Variants in GALNT17 observed in about 807,000 individuals in gnomAD.
GALNT17 encodes UDP-GalNAc:polypeptide N-acetylgalactosaminyltransferase-like 3.
In GALNT17, 29 loss-of-function variants were observed where a neutral mutation model predicts 63.7. The observed-to-expected ratio is 0.46, with a 90% CI of 0.34 to 0.62. The LOEUF is 0.62. GALNT17 is among the 20% of genes least tolerant of loss of function. The pLI is 0.01. For missense variants in GALNT17, 603 were observed against 799.6 expected (o/e 0.75, Z 2.97); for synonymous variants, 305 against 318.3 (o/e 0.96, Z 0.45).
chr7:71,159,259 G>T (rs776972921), intron 1 of GALNT17, among the ~76,000 whole-genome samples: 1 of 151,652 alleles, frequency 6.6e-6, no homozygotes, highest in Non-Finnish European at 1.5e-5. Context: ...CCTTTTCTTA[G>T]GAAAGTGATG....
chr7:71,494,951 A>G (rs1260522265), intron 5 of GALNT17, among the ~76,000 whole-genome samples: 1 of 152,148 alleles, frequency 6.6e-6, no homozygotes, highest in African/African-American at 2.4e-5. Flanking sequence ...CCCATGATTC[A>G]ATTGTCTCCA....
At chr7:71,143,418 A>AG (rs1787954096) in intron 1 of GALNT17, among the ~76,000 whole-genome samples, 1 of 151,464 alleles carries the variant, frequency 6.6e-6, no homozygotes, top group South Asian at 2.1e-4. Context: ...AAAAAAAAAA[A>AG]AAAAAAAGAA....
intron 1 of GALNT17, among the ~76,000 whole-genome samples, chr7:71,150,487 T>G (rs77639301): frequency 0.027 from 4,088 of 151,850 alleles, 87 homozygotes; most frequent in Non-Finnish European, 0.04. Flanking sequence ...CCTTCATGCC[T>G]TCTCTCTCTT....
chr7:71,277,639 T>G (rs934776668), intron 1 of GALNT17, among the ~76,000 whole-genome samples: 1 of 152,240 alleles, frequency 6.6e-6, no homozygotes, highest in Non-Finnish European at 1.5e-5. Flanking sequence ...TGCGCAAACC[T>G]GGGCACTTTA....
chr7:71,449,448 T>C (rs1787220294), intron 5 of GALNT17, among the ~76,000 whole-genome samples: 3 of 152,202 alleles, frequency 2.0e-5, no homozygotes, highest in Admixed American at 1.3e-4. Flanking sequence ...AATTTGCCTC[T>C]TTATTTCCTA....
chr7:71,178,594 A>C (rs1474429952), intron 1 of GALNT17, among the ~76,000 whole-genome samples: 1 of 151,632 alleles, frequency 6.6e-6, no homozygotes, highest in Non-Finnish European at 1.5e-5. Context: ...TTTTTTCTTC[A>C]CTGCTTTTCA....
At chr7:71,388,770 G>T (rs1345113916) in intron 3 of GALNT17, among the ~76,000 whole-genome samples, 1 of 152,012 alleles carries the variant, frequency 6.6e-6, no homozygotes, top group Non-Finnish European at 1.5e-5. Flanking sequence ...CAGGTGATCC[G>T]CTCACCTCAG....
chr7:71,410,829 A>C (rs1793416217), intron 3 of GALNT17, among the ~76,000 whole-genome samples: 1 of 152,186 alleles, frequency 6.6e-6, no homozygotes. Context: ...CTTCCTGATC[A>C]CAGGCAGTGT....
intron 9 of GALNT17, among the ~76,000 whole-genome samples, chr7:71,699,171 CAAAAAAAAAAAA>C (rs59124269): frequency 3.9e-5 from 3 of 77,296 alleles, no homozygotes; most frequent in African/African-American, 9.9e-5. Context: ...GACTCCATCT[CAAAAAAAAAAAA>C]AAAAAAAAAA....
rs59124269 is a variant in GALNT17 at position 71,699,171 on chromosome 7, CAAAA to C, written c.1501-11568_1501-11565del. Among the ~76,000 whole-genome samples, 5 of 77,322 alleles carry C rather than the reference CAAAA, an allele frequency of 6.5e-5. No individual in the cohort carries two copies. The South Asian group carries it at 1.6e-3, about 24-fold the overall frequency. The allele number at this position is 77,322 out of a possible 152,430, so 50.7% of individuals were successfully genotyped here. A position where few individuals can be genotyped will look rare whatever the true frequency, so the allele number is the denominator to read the frequency against. ...TAGGCAACAGAGCAAGACTCCATCTCAAAAAAAAAAAAAAAAAAAAAAAAATGAC... is the reference window on the plus strand; with the variant it reads ...TAGGCAACAGAGCAAGACTCCATCTCAAAAAAAAAAAAAAAAAAAAATGAC... On this transcript the variant is annotated intron_variant, in intron 9 of 10. Transcript: ENST00000333538.
chr7:71,616,830 ATATAT>A (rs1433464574), intron 6 of GALNT17, among the ~76,000 whole-genome samples: 2 of 46,168 alleles, frequency 4.3e-5, no homozygotes, highest in East Asian at 8.9e-4. Context: ...TAATCATATT[ATATAT>A]TATAATTATG....
intron 5 of GALNT17, among the ~76,000 whole-genome samples, chr7:71,561,065 T>C (rs1250967236): frequency 6.6e-6 from 1 of 152,056 alleles, no homozygotes; most frequent in Non-Finnish European, 1.5e-5. Flanking sequence ...CAGGCTGGAG[T>C]GCAGTGGCAT....
At chr7:71,183,209 C>T (rs1448823829) in intron 1 of GALNT17, among the ~76,000 whole-genome samples, 3 of 152,018 alleles carry the variant, frequency 2.0e-5, no homozygotes. Context: ...GGGGCACATT[C>T]ACTGTCTAGC....
At chr7:71,164,739 TGTCA>T (rs1450326081) in intron 1 of GALNT17, among the ~76,000 whole-genome samples, 2 of 152,366 alleles carry the variant, frequency 1.3e-5, no homozygotes, top group East Asian at 3.9e-4. Context: ...TTTATCCTGC[TGTCA>T]GTCATTCATT....
At chr7:71,476,654 T>C (rs1787727671) in intron 5 of GALNT17, among the ~76,000 whole-genome samples, 1 of 152,132 alleles carries the variant, frequency 6.6e-6, no homozygotes, top group Admixed American at 6.6e-5. Flanking sequence ...ATGTGGCAAG[T>C]CTGGAGACAT....
chr7:71,687,060 G>A (rs1427455555), intron 9 of GALNT17, among the ~76,000 whole-genome samples: 1 of 152,086 alleles, frequency 6.6e-6, no homozygotes, highest in Non-Finnish European at 1.5e-5. Context: ...CTCAGGGGAG[G>A]ACATTAGCGC....
chr7:71,538,715 C>T (rs1788839734), intron 5 of GALNT17, among the ~76,000 whole-genome samples: 1 of 152,056 alleles, frequency 6.6e-6, no homozygotes. Flanking sequence ...AGCTTCTGCT[C>T]CACTCTCTCT....
At chr7:71,480,155 C>CTTTTTTT (rs67257902) in intron 5 of GALNT17, among the ~76,000 whole-genome samples, 1 of 65,328 alleles carries the variant, frequency 1.5e-5, no homozygotes. Context: ...TTTTTGGAGT[C>CTTTTTTT]TTTTTTTTTT....
chr7:71,518,779 G>A (rs974648422), intron 5 of GALNT17, among the ~76,000 whole-genome samples: 1 of 152,188 alleles, frequency 6.6e-6, no homozygotes, highest in East Asian at 1.9e-4. Context: ...CTGGAAGGGA[G>A]TCGGAAGATT....
Sources: gnomAD v4.1 joint callset for allele counts (sites outside exome capture counted in the v4.1 genomes callset) on GRCh38, gnomAD v4.1.1 for gene constraint, MANE v1.5 for transcripts, NCBI Gene and HGNC (gene_info 2026-07-23, HGNC 2026-07-21) for gene names.